Variants in AGBL4 observed in about 807,000 individuals in gnomAD.
AGBL4 encodes AGBL carboxypeptidase 4, also known as cytosolic carboxypeptidase 6.
AGBL4 carries 58 observed loss-of-function variants against 66.4 expected under a neutral mutation model. That is an observed-to-expected ratio of 0.87 (90% CI 0.71 to 1.09). AGBL4 has a LOEUF of 1.09. AGBL4 is among the 50% of genes least tolerant of loss of function. The probability of loss-of-function intolerance (pLI) is 0.00; values close to 1 mark genes in which losing one functional copy is unlikely to be tolerated. For missense variants in AGBL4, 579 were observed against 631.0 expected (o/e 0.92, Z 0.88); for synonymous variants, 234 against 222.9 (o/e 1.05, Z -0.44).
chr1:49,530,274 A>AAAAAAAAC (rs1651013486), intron 3 of AGBL4, among the ~76,000 whole-genome samples: 1 of 134,762 alleles, frequency 7.4e-6, no homozygotes, highest in African/African-American at 3.2e-5. Context: ...AAAAAAAAAC[A>AAAAAAAAC]AAAAAAAACT....
intron 5 of AGBL4, among the ~76,000 whole-genome samples, chr1:49,007,596 T>C (rs1661970798): frequency 6.6e-6 from 1 of 151,542 alleles, no homozygotes; most frequent in African/African-American, 2.4e-5. Context: ...AAAGTTGCAA[T>C]GAAGGAAAAA....
chr1:49,078,549 T>C (rs1041390030), intron 4 of AGBL4, among the ~76,000 whole-genome samples: 8 of 152,164 alleles, frequency 5.3e-5, no homozygotes, highest in African/African-American at 1.9e-4. Context: ...GTTTGTTTGA[T>C]ACACTCTCGG....
rs12042582 is a variant in AGBL4 at position 49,801,055 on chromosome 1, A to G, written c.157+50341T>C. On this transcript the variant is annotated intron_variant, in intron 2 of 13. Transcript: ENST00000371839. ...GTTTCCTGACTTTTTAATGATTGCCATTCTAACTGGTGTGACATTTATGCA... is the reference window on the plus strand; with the variant it reads ...GTTTCCTGACTTTTTAATGATTGCCGTTCTAACTGGTGTGACATTTATGCA... Among the ~76,000 whole-genome samples the G allele has an allele frequency of 8.0e-3, 1,218 of 152,176 alleles. 8 individuals are homozygous for G. The highest frequency in any genetic ancestry group is 0.031 in the Middle Eastern group (9 of 294).
At chr1:49,585,915 T>A (rs1644638361) in intron 3 of AGBL4, among the ~76,000 whole-genome samples, 2 of 152,092 alleles carry the variant, frequency 1.3e-5, no homozygotes, top group South Asian at 4.1e-4. Flanking sequence ...GCCATAAAAA[T>A]AATTCCCATT....
chr1:49,758,791 G>C (rs1652091792), intron 2 of AGBL4, among the ~76,000 whole-genome samples: 1 of 151,460 alleles, frequency 6.6e-6, no homozygotes, highest in African/African-American at 2.4e-5. Flanking sequence ...TTGAGTTAAT[G>C]CTGGAATGAC....
chr1:49,547,918 C>T (rs557021004), intron 3 of AGBL4, among the ~76,000 whole-genome samples: 39 of 152,130 alleles, frequency 2.6e-4, no homozygotes, highest in South Asian at 4.2e-4. Flanking sequence ...GGATTACAGG[C>T]GTGCACCACC....
intron 5 of AGBL4, among the ~76,000 whole-genome samples, chr1:48,926,581 A>G (rs1485096124): frequency 2.0e-5 from 3 of 151,926 alleles, no homozygotes; most frequent in Non-Finnish European, 4.4e-5. Flanking sequence ...GAGGCGTCAC[A>G]CCGGCCAACC....
At chr1:49,733,175 T>C (rs1415315409) in intron 2 of AGBL4, among the ~76,000 whole-genome samples, 3 of 152,150 alleles carry the variant, frequency 2.0e-5, no homozygotes, top group African/African-American at 7.2e-5. Flanking sequence ...CAAAAAATTC[T>C]ATAACCACCC....
chr1:49,331,753 T>C (rs1295722427), intron 3 of AGBL4, among the ~76,000 whole-genome samples: 3 of 151,650 alleles, frequency 2.0e-5, no homozygotes, highest in Non-Finnish European at 4.4e-5. Flanking sequence ...GCCTAAATGG[T>C]CTGGGTGTGG....
At chr1:49,196,112 T>C (rs943144047) in intron 4 of AGBL4, among the ~76,000 whole-genome samples, 5 of 152,232 alleles carry the variant, frequency 3.3e-5, no homozygotes, top group South Asian at 2.1e-4. Context: ...CTTTTTCCTA[T>C]GTAAATTACC....
intron 3 of AGBL4, among the ~76,000 whole-genome samples, chr1:49,371,815 CTCTGTGTGTG>C (rs1644351065): frequency 8.4e-6 from 1 of 119,536 alleles, no homozygotes; most frequent in South Asian, 2.9e-4. Flanking sequence ...ACTTTTCAAA[CTCTGTGTGTG>C]TGTGTGTGTG....
chr1:49,255,878 G>T (rs1040767900), intron 3 of AGBL4, among the ~76,000 whole-genome samples: 2 of 152,140 alleles, frequency 1.3e-5, no homozygotes, highest in Admixed American at 6.6e-5. Context: ...GATGGAGCTG[G>T]AGACCATTTT....
intron 3 of AGBL4, among the ~76,000 whole-genome samples, chr1:49,542,272 A>T (rs1652105496): frequency 6.6e-6 from 1 of 152,126 alleles, no homozygotes; most frequent in Admixed American, 6.5e-5. Context: ...ACATTGTGGA[A>T]GCTTTGTTCT....
intron 5 of AGBL4, among the ~76,000 whole-genome samples, chr1:48,989,358 TTTTG>T (rs1660429188): frequency 6.6e-6 from 1 of 152,216 alleles, no homozygotes; most frequent in Non-Finnish European, 1.5e-5. Context: ...AGCATTTATC[TTTTG>T]TTTTTCAAAC....
intron 9 of AGBL4, among the ~76,000 whole-genome samples, chr1:48,604,595 A>G (rs1217382871): frequency 6.6e-6 from 1 of 152,170 alleles, no homozygotes; most frequent in Non-Finnish European, 1.5e-5. Flanking sequence ...TTTTGTTAGG[A>G]TACAGAATCA....
At chr1:49,134,677 C>CT (rs1163250124) in intron 4 of AGBL4, among the ~76,000 whole-genome samples, 1 of 151,670 alleles carries the variant, frequency 6.6e-6, no homozygotes, top group Non-Finnish European at 1.5e-5. Context: ...TTATCCTGTT[C>CT]TTTTTTGAAG....
chr1:48,747,505 G>C (rs1317634977), intron 6 of AGBL4, among the ~76,000 whole-genome samples: 1 of 152,102 alleles, frequency 6.6e-6, no homozygotes, highest in African/African-American at 2.4e-5. Flanking sequence ...TCCTGTTCTG[G>C]GGAAGTTCAG....
intron 3 of AGBL4, among the ~76,000 whole-genome samples, chr1:49,322,324 G>T (rs1446990450): frequency 1.3e-5 from 2 of 152,128 alleles, no homozygotes; most frequent in African/African-American, 4.8e-5. Context: ...GAAAATCAAT[G>T]ATACATGAAA....
At chr1:49,484,395 CA>C (rs1647019840) in intron 3 of AGBL4, among the ~76,000 whole-genome samples, 2 of 152,068 alleles carry the variant, frequency 1.3e-5, no homozygotes, top group African/African-American at 4.8e-5. Flanking sequence ...GGTACATATA[CA>C]CAATGGAGTA....
Sources: gnomAD v4.1 joint callset for allele counts (sites outside exome capture counted in the v4.1 genomes callset) on GRCh38, gnomAD v4.1.1 for gene constraint, MANE v1.5 for transcripts, NCBI Gene and HGNC (gene_info 2026-07-23, HGNC 2026-07-21) for gene names.